The following TRPC6 variants were observed in gnomAD, a reference collection of about 807,000 sequenced individuals.
TRPC6 encodes the protein transient receptor potential cation channel subfamily C member 6.
TRPC6 carries 55 observed loss-of-function variants against 90.7 expected under a neutral mutation model. The observed-to-expected ratio is 0.61, with a 90% CI of 0.49 to 0.76. The LOEUF (loss-of-function observed/expected upper bound fraction) is 0.76. Among genes scored for constraint, TRPC6 ranks in the 30% least tolerant of loss-of-function variants. The probability of loss-of-function intolerance (pLI) is 0.00; values close to 1 mark genes in which losing one functional copy is unlikely to be tolerated. For missense variants in TRPC6, 989 were observed against 1,122.7 expected, an observed-to-expected ratio of 0.88 and a Z score of 1.70; for synonymous variants, 393 against 393.0, an observed-to-expected ratio of 1.00 and a Z score of 0.00.
intron 9 of TRPC6, among the ~76,000 whole-genome samples, chr11:101,469,929 T>TC (rs1422897111): frequency 6.6e-6 from 1 of 152,244 alleles, no homozygotes; most frequent in African/African-American, 2.4e-5. Context: ...ATAATTTTTT[T>TC]CACATATTAC....
intron 1 of TRPC6, among the ~76,000 whole-genome samples, chr11:101,524,220 G>A (rs945058803): frequency 2.0e-5 from 3 of 152,204 alleles, no homozygotes; most frequent in African/African-American, 4.8e-5. Context: ...AAATGGAGAC[G>A]CAGTGGCTTC....
chr11:101,561,656 T>C (rs1464976089), intron 1 of TRPC6, among the ~76,000 whole-genome samples: 2 of 151,998 alleles, frequency 1.3e-5, no homozygotes, highest in Non-Finnish European at 2.9e-5. Flanking sequence ...CTCTCTCTTC[T>C]ACTCAGGAAA....
At chr11:101,493,476 G>A (rs1174024262) in intron 2 of TRPC6, among the ~76,000 whole-genome samples, 1 of 152,124 alleles carries the variant, frequency 6.6e-6, no homozygotes, top group Admixed American at 6.5e-5. Flanking sequence ...AAATCATGCA[G>A]CTAGTAAGCA....
At chr11:101,483,801 A>G (rs1381187426) in intron 4 of TRPC6, among the ~76,000 whole-genome samples, 1 of 152,198 alleles carries the variant, frequency 6.6e-6, no homozygotes, top group Non-Finnish European at 1.5e-5. Context: ...TCATTCCCTC[A>G]TTAGCTGAGT....
chr11:101,481,622 T>G (rs1383033400), intron 5 of TRPC6, among the ~76,000 whole-genome samples: 1 of 152,184 alleles, frequency 6.6e-6, no homozygotes, highest in Non-Finnish European at 1.5e-5. Context: ...TCCCTTCTGA[T>G]GTGCAATAAT....
At chr11:101,497,970 C>CA (rs1250822294) in intron 2 of TRPC6, among the ~76,000 whole-genome samples, 3 of 151,602 alleles carry the variant, frequency 2.0e-5, no homozygotes, top group Non-Finnish European at 4.4e-5. Flanking sequence ...TAAATAGGTT[C>CA]AAAAAAAGAG....
intron 5 of TRPC6, among the ~76,000 whole-genome samples, chr11:101,480,122 G>C (rs1859518039): frequency 6.6e-6 from 1 of 152,128 alleles, no homozygotes; most frequent in South Asian, 2.1e-4. Flanking sequence ...AGGTTGCGGT[G>C]AGCTGAGATC....
chr11:101,526,487 A>G (rs753840621), intron 1 of TRPC6, among the ~76,000 whole-genome samples: 4 of 152,210 alleles, frequency 2.6e-5, no homozygotes, highest in Admixed American at 6.5e-5. Context: ...GAATCTTTTC[A>G]GATGTGTTAT....
At chr11:101,558,203 G>GTGTATACA (rs201098020) in intron 1 of TRPC6, among the ~76,000 whole-genome samples, 12,275 of 79,926 alleles carry the variant, frequency 0.15, 3,956 homozygotes, top group East Asian at 0.75. Context: ...ATATATGTGT[G>GTGTATACA]TGTATACATG....
Position 101,524,354 on chromosome 11 carries a change from T to C in TRPC6, c.171-19556A>G, listed in dbSNP as rs188338785. 3.8e-3 allele frequency among the ~76,000 whole-genome samples: 584 copies of C among 152,292 alleles called. 2 individuals are homozygous for C. Among genetic ancestry groups the C allele is most frequent in the Non-Finnish European group, 5.5e-3 (373 of 68,016 alleles). ...AGCTCCACCACCCAGGTTCACGCCA[T>C]TCTACTGCCTCAGCCTCCCGAGTAG... On this transcript the variant is annotated intron_variant, in intron 1 of 12. Transcript: ENST00000344327.
At chr11:101,491,532 A>C (rs1859810489) in intron 3 of TRPC6, 24 bp downstream of exon 3, 1 of 1,613,140 alleles carries the variant, frequency 6.2e-7, no homozygotes, top group Non-Finnish European at 8.5e-7. Context: ...AAATAATGTA[A>C]ACGGGCTTCA....
At chr11:101,547,967 T>A (rs1168590226) in intron 1 of TRPC6, among the ~76,000 whole-genome samples, 2 of 152,114 alleles carry the variant, frequency 1.3e-5, no homozygotes, top group Non-Finnish European at 2.9e-5. Flanking sequence ...GCTGCAAATA[T>A]ATTCACACAT....
intron 2 of TRPC6, among the ~76,000 whole-genome samples, chr11:101,499,191 A>G (rs1385271951): frequency 1.3e-5 from 2 of 152,192 alleles, no homozygotes; most frequent in Admixed American, 1.3e-4. Flanking sequence ...ATTGAAATGT[A>G]AATGATTCCT....
intron 1 of TRPC6, among the ~76,000 whole-genome samples, chr11:101,527,358 A>G (rs1321737179): frequency 1.3e-5 from 2 of 152,220 alleles, no homozygotes; most frequent in Non-Finnish European, 2.9e-5. Context: ...ACAAACCTCT[A>G]GGACACTTAA....
rs1390401853 is a variant in TRPC6 at position 101,558,838 on chromosome 11, C to T, written c.170+24496G>A. On this transcript the variant is annotated intron_variant, in intron 1 of 12. Coordinates refer to ENST00000344327, the MANE Select transcript of TRPC6 (RefSeq NM_004621.6). Reference sequence around the variant, plus strand: ...CCACGTGCAGAAGAATGAAATTGGGCCCTTATCCCATGCCATATGCAAACA... The same window carrying T: ...CCACGTGCAGAAGAATGAAATTGGGTCCTTATCCCATGCCATATGCAAACA... Among the ~76,000 whole-genome samples, 3 of 152,040 alleles carry T rather than the reference C, an allele frequency of 2.0e-5. No individual in the cohort carries two copies. The East Asian group carries it at 5.8e-4, about 29-fold the overall frequency.
intron 10 of TRPC6, chr11:101,455,483 A>T (rs1305550619): frequency 4.8e-6 from 1 of 209,468 alleles, no homozygotes; most frequent in Non-Finnish European, 9.8e-6. Flanking sequence ...CACCTGATTA[A>T]CTAAGACATC....
Position 101,583,426 on chromosome 11 carries a change from G to C in TRPC6, c.78C>G (p.Asn26Lys), listed in dbSNP as rs1277437769. ...RGAAGAAARR[N>K]ESQDYLLMDS... ...CCATGAGCAGATAGTCCTGGCTCTC[G>C]TTGCGCCGCGCAGCGGCTCCGGCAG... Residue 26 changes from asparagine to lysine, a missense_variant, in exon 1 of 13, where the codon AAC (asparagine) becomes AAG (lysine). Around this residue, in one of 4 missense-constraint regions of TRPC6, gnomAD observed 194 missense variants for 136.5 expected, o/e 1.42. Transcript: ENST00000344327. 8 of 1,560,456 alleles carry C rather than the reference G, an allele frequency of 5.1e-6. No individual in the cohort carries two copies. The highest frequency in any genetic ancestry group is 6.9e-6 in the Non-Finnish European group (8 of 1,152,546).
intron 6 of TRPC6, among the ~76,000 whole-genome samples, chr11:101,474,688 T>A (rs1859372386): frequency 6.6e-6 from 1 of 152,192 alleles, no homozygotes; most frequent in Non-Finnish European, 1.5e-5. Flanking sequence ...TATGTGATAT[T>A]GCCAATAAAC....
At chr11:101,537,944 G>A (rs955158009) in intron 1 of TRPC6, among the ~76,000 whole-genome samples, 28 of 152,190 alleles carry the variant, frequency 1.8e-4, no homozygotes, top group Non-Finnish European at 2.4e-4. Context: ...AGTTTTAAGC[G>A]TATACATATT....
Sources: allele counts gnomAD v4.1 joint callset (sites outside exome capture counted in the v4.1 genomes callset), GRCh38; gene constraint gnomAD v4.1.1; regional missense constraint gnomAD v4.1.1; transcripts MANE v1.5; gene names NCBI Gene and HGNC (gene_info 2026-07-23, HGNC 2026-07-21).